Variants in OGDH observed in about 807,000 individuals in gnomAD.
OGDH encodes the protein 2-oxoglutarate dehydrogenase complex component E1.
In OGDH, 38 loss-of-function variants were observed where a neutral mutation model predicts 116.6. The observed-to-expected ratio is 0.33, with a 90% CI of 0.25 to 0.43. OGDH has a LOEUF of 0.43. Ranked by LOEUF, OGDH falls within the 20% of genes least tolerant of loss-of-function variation. OGDH has a pLI of 1.00. For synonymous variants in OGDH, 488 were observed against 533.3 expected, an observed-to-expected ratio of 0.92 and a Z score of 1.17; for missense variants, 825 against 1,357.2, an observed-to-expected ratio of 0.61 and a Z score of 6.16.
At position 44,700,248 on chromosome 7, in the gene OGDH, C is replaced by A. The variant is rs1355830001; in HGVS notation, c.2538C>A (p.Ile846=). The A allele has an allele frequency of 2.5e-6, 4 of 1,614,104 alleles. No homozygotes were observed. Among genetic ancestry groups the A allele is most frequent in the Non-Finnish European group, 2.5e-6 (3 of 1,180,038 alleles). Residue 846 remains isoleucine, a synonymous_variant, in exon 19 of 23, where the codon ATC becomes ATA. Transcript: ENST00000222673. ...TCTTCCACGTGCTACGACGCCAGAT[C>A]CTGCTGCCATTCCGGAAGCCGGTCA... ...GNFFHVLRRQ[I]LLPFRKPLII... is the part of the protein sequence containing the mutation.
chr7:44,702,436 G>A (rs935666163), intron 20 of OGDH, among the ~76,000 whole-genome samples: 5 of 152,046 alleles, frequency 3.3e-5, no homozygotes, highest in Non-Finnish European at 5.9e-5. Flanking sequence ...TGGAGTGCAG[G>A]ATGTTGACAC....
intron 3 of OGDH, chr7:44,647,303 C>G: frequency 1.6e-6 from 1 of 611,680 alleles, no homozygotes; most frequent in Non-Finnish European, 2.9e-6. Flanking sequence ...TATTCCAAGA[C>G]TTTTAAAAAC....
intron 4 of OGDH, among the ~76,000 whole-genome samples, chr7:44,651,716 C>T (rs576284725): frequency 1.3e-5 from 2 of 151,794 alleles, no homozygotes; most frequent in South Asian, 2.1e-4. Context: ...CACCCATCAT[C>T]ATGTCCAGCT....
intron 4 of OGDH, among the ~76,000 whole-genome samples, chr7:44,657,384 A>G (rs1188071472): frequency 6.6e-6 from 1 of 152,226 alleles, no homozygotes; most frequent in Non-Finnish European, 1.5e-5. Flanking sequence ...TTCAATCAGC[A>G]TAATTTTCTT....
At chr7:44,633,600 T>C (rs2115608021) in intron 2 of OGDH, among the ~76,000 whole-genome samples, 1 of 152,318 alleles carries the variant, frequency 6.6e-6, no homozygotes, top group South Asian at 2.1e-4. Context: ...GATTCTCATA[T>C]CTCTTCGCGT....
rs1259115326 is a variant in OGDH, at chr7:44,700,185, C to T, written c.2475C>T (p.Cys825=). ...ANFDINQLYD[C]NWVVVNCSTP... is the part of the protein sequence containing the mutation. ...TCGACATCAATCAGCTATATGACTG[C>T]AATTGGGTTGTTGTCAACTGCTCCA... Residue 825 remains cysteine (C), a synonymous_variant, in exon 19 of 23, where the codon TGC becomes TGT. Transcript: ENST00000222673. 1.9e-6 allele frequency: 3 copies of T among 1,614,076 alleles called. No individual in the cohort carries two copies. The highest frequency in any genetic ancestry group is 3.3e-5 in the Admixed American group (2 of 60,002).
At chr7:44,625,232 C>T (rs1408124730) in intron 2 of OGDH, among the ~76,000 whole-genome samples, 6 of 152,138 alleles carry the variant, frequency 3.9e-5, no homozygotes, top group African/African-American at 1.2e-4. Flanking sequence ...TCAAGTGATT[C>T]TTATGCCTCA....
chr7:44,629,170 A>G (rs1260610725), intron 2 of OGDH, among the ~76,000 whole-genome samples: 1 of 152,234 alleles, frequency 6.6e-6, no homozygotes, highest in Non-Finnish European at 1.5e-5. Flanking sequence ...ACAAACAGGT[A>G]ATTGAGAACT....
At chr7:44,696,398 T>C (rs761495123) in intron 13 of OGDH, 31 bp from the exon 14 acceptor site, 3 of 1,603,806 alleles carry the variant, frequency 1.9e-6, no homozygotes, top group Non-Finnish European at 2.6e-6. Context: ...GTAGAGCAGA[T>C]GTCATGCCTC....
intron 1 of OGDH, among the ~76,000 whole-genome samples, chr7:44,621,189 T>G (rs1442236445): frequency 6.6e-6 from 1 of 152,184 alleles, no homozygotes; most frequent in Non-Finnish European, 1.5e-5. Context: ...TCCTTCCACC[T>G]CAGCCTCCGG....
intron 1 of OGDH, among the ~76,000 whole-genome samples, chr7:44,616,769 G>GTA (rs1417449590): frequency 3.8e-5 from 5 of 130,230 alleles, no homozygotes; most frequent in African/African-American, 1.3e-4. Flanking sequence ...ATATATACAC[G>GTA]TATATGTGTA....
At chr7:44,689,395 T>C (rs1788277561) in intron 10 of OGDH, among the ~76,000 whole-genome samples, 1 of 133,846 alleles carries the variant, frequency 7.5e-6, no homozygotes, top group South Asian at 2.5e-4. Context: ...TTTTTTTCTT[T>C]TTTTTTTTTT....
At chr7:44,624,178 G>GT (rs1369131160) in intron 1 of OGDH, 139 bp from the exon 2 acceptor site, 2 of 621,838 alleles carry the variant, frequency 3.2e-6, no homozygotes, top group Non-Finnish European at 5.6e-6. Flanking sequence ...AACATGTTTT[G>GT]TTTTTGTTTT....
chr7:44,606,929 C>T (rs1301463923), intron 1 of OGDH, among the ~76,000 whole-genome samples: 1 of 151,918 alleles, frequency 6.6e-6, no homozygotes, highest in Admixed American at 6.6e-5. Context: ...GCGCGGGGCG[C>T]GGAGCGACGC....
intron 4 of OGDH, among the ~76,000 whole-genome samples, chr7:44,656,914 A>G (rs1438294451): frequency 2.6e-5 from 4 of 152,210 alleles, no homozygotes; most frequent in African/African-American, 9.6e-5. Flanking sequence ...CAGAGTCGAA[A>G]TGCTGGGGGA....
intron 9 of OGDH, 120 bp from the exon 10 acceptor site, chr7:44,681,598 CTA>C: frequency 7.3e-7 from 1 of 1,376,266 alleles, no homozygotes; most frequent in Non-Finnish European, 9.9e-7. Flanking sequence ...CTGCTACTTT[CTA>C]TGTTTGAAAT....
intron 4 of OGDH, among the ~76,000 whole-genome samples, chr7:44,661,898 G>A (rs1030629663): frequency 2.0e-5 from 3 of 151,976 alleles, no homozygotes; most frequent in Admixed American, 1.3e-4. Flanking sequence ...CACGCCTGGC[G>A]TGTTTTTGAG....
chr7:44,617,457 G>T (rs1784849395), intron 1 of OGDH, among the ~76,000 whole-genome samples: 1 of 151,862 alleles, frequency 6.6e-6, no homozygotes, highest in Admixed American at 6.6e-5. Flanking sequence ...CTCAACAATT[G>T]TTTCCATCTA....
intron 2 of OGDH, among the ~76,000 whole-genome samples, chr7:44,645,111 C>T (rs1016877671): frequency 5.9e-5 from 9 of 152,176 alleles, no homozygotes; most frequent in East Asian, 1.9e-4. Flanking sequence ...TCAGAAAGTG[C>T]ATCCCGAAGA....
Sources: allele counts gnomAD v4.1 joint callset (sites outside exome capture counted in the v4.1 genomes callset), GRCh38; gene constraint gnomAD v4.1.1; transcripts MANE v1.5; gene names NCBI Gene and HGNC (gene_info 2026-07-23, HGNC 2026-07-21).